H6PD: variants seen among roughly 807,000 people sequenced by gnomAD.
The protein encoded by H6PD is GDH/6PGL endoplasmic bifunctional protein.
A neutral mutation model predicts 61.2 loss-of-function variants in H6PD; 48 were observed. The observed-to-expected ratio is 0.78, with a 90% CI of 0.62 to 1.00. The LOEUF (loss-of-function observed/expected upper bound fraction) is 1.00, where lower values mean the gene tolerates loss of function less well. Ranked by LOEUF, H6PD falls within the 50% of genes least tolerant of loss-of-function variation. The pLI is 0.00. For missense variants in H6PD, 1,093 were observed against 1,065.0 expected (o/e 1.03, Z -0.37); for synonymous variants, 480 against 457.9 (o/e 1.05, Z -0.62).
chr1:9,257,320 G>A (rs745820219), intron 3 of H6PD, among the ~76,000 whole-genome samples: 49 of 151,706 alleles, frequency 3.2e-4, no homozygotes, highest in Non-Finnish European at 5.6e-4. Context: ...TGTAGAAACA[G>A]GGTCTCACTT....
chr1:9,263,546 C>T lies in H6PD; in HGVS notation c.1053C>T (p.Gly351=), dbSNP rs34448374. 873 of 1,614,134 alleles carry T rather than the reference C, an allele frequency of 5.4e-4. 6 individuals carry two copies. In the African/African-American group the frequency reaches 0.01, roughly 19 times the overall value. The change falls in exon 5 of 5, where the codon GGC becomes GGT. Residue 351 remains glycine, a synonymous_variant. Coordinates refer to ENST00000377403, the MANE Select transcript of H6PD (RefSeq NM_004285.4). ...LVHIDNLRWE[G]VPFILMSGKA... ...ACATTGACAACCTTCGCTGGGAGGGCGTGCCTTTCATCCTGATGTCTGGCA... is the reference window on the plus strand; with the variant it reads ...ACATTGACAACCTTCGCTGGGAGGGTGTGCCTTTCATCCTGATGTCTGGCA...
rs114731668 is a variant in H6PD at position 9,265,929 on chromosome 1, C to T, written c.*1060C>T. 1 of 152,308 alleles carries T rather than the reference C, an allele frequency of 6.6e-6. No individual in the cohort carries two copies. Among genetic ancestry groups the T allele is most frequent in the Non-Finnish European group, 1.5e-5 (1 of 68,092 alleles). The allele number at this position is 152,308 out of a possible 1,614,324, so 9.4% of individuals were successfully genotyped here. On this transcript the variant is annotated 3_prime_UTR_variant, in exon 5 of 5. Transcript: ENST00000377403. ...GCTGCTCCTCTGTCCTGCTAGCCTT[C>T]CTCCAGGAAGCACACTGGGTGCAGA...
At chr1:9,257,024 C>G (rs1248131268) in intron 3 of H6PD, among the ~76,000 whole-genome samples, 1 of 152,194 alleles carries the variant, frequency 6.6e-6, no homozygotes, top group South Asian at 2.1e-4. Flanking sequence ...CTAGCTGACT[C>G]TTTACAGCTG....
rs1638548956 is a variant in H6PD at position 9,266,046 on chromosome 1, CTT to C, written c.*1178_*1179del. 2 of 152,304 alleles carry C rather than the reference CTT, an allele frequency of 1.3e-5. No homozygotes were observed. The highest frequency in any genetic ancestry group is 1.5e-5 in the Non-Finnish European group (1 of 68,068). The allele number at this position is 152,304 out of a possible 1,614,324, so 9.4% of individuals were successfully genotyped here. The stretch of plus-strand genomic sequence containing the variant: ...GGTGTTTCCGCTCTCAATAGCCCCT[CTT>C]GTTTTACCAGGAAAGATCCAGTTAA... On this transcript the variant is annotated 3_prime_UTR_variant, in exon 5 of 5. Transcript: ENST00000377403.
Position 9,254,124 on chromosome 1 carries a change from G to C in H6PD, c.745+7041G>C, listed in dbSNP as rs1641447172. 6.6e-6 allele frequency among the ~76,000 whole-genome samples: 1 copy of C among 152,210 alleles called. No individual in the cohort carries two copies. The highest frequency in any genetic ancestry group is 6.5e-5 in the Admixed American group (1 of 15,286). On this transcript the variant is annotated intron_variant, in intron 3 of 4. Coordinates refer to ENST00000377403, the MANE Select transcript of H6PD (RefSeq NM_004285.4). This position sits in a 1 kb window ranked among gnomAD's most constrained non-coding sequence, Gnocchi z 4.6. ...TAATCCCAGCACTTTGGGAGGCCGA[G>C]ACGGGTGGATCACTTGAGGTCAGGC...
At chr1:9,236,705 G>C (rs1017078750) in intron 1 of H6PD, among the ~76,000 whole-genome samples, 4 of 150,482 alleles carry the variant, frequency 2.7e-5, no homozygotes, top group Admixed American at 1.3e-4. Context: ...AGGATTTCTT[G>C]GGTGCTTACT....
At chr1:9,246,884 G>A in intron 2 of H6PD, 82 bp from the exon 3 acceptor site, 3 of 944,096 alleles carry the variant, frequency 3.2e-6, no homozygotes, top group South Asian at 2.6e-5. Flanking sequence ...GAATAGAAAG[G>A]TCAGAGCCCT....
At position 9,245,350 on chromosome 1, in the gene H6PD, T is replaced by A; in HGVS notation, c.416T>A (p.Ile139Asn). The change falls in exon 2 of 5, where the codon ATC becomes AAC. Residue 139 changes from isoleucine (I) to asparagine (N), a missense_variant. By Grantham distance (149) the Ile-to-Asn change is moderately radical. Coordinates refer to ENST00000377403, the MANE Select transcript of H6PD (RefSeq NM_004285.4). This position sits in a 1 kb window ranked among gnomAD's most constrained non-coding sequence, Gnocchi z 4.8. ...QHAGLREAGR[I>N]FYFSVPPFAY... is the part of the protein sequence containing the mutation. ...GCAGGCCTCCGGGAGGCTGGCAGGA[T>A]CTTCTACTTCTCAGTGCCACCCTTC... The A allele has an allele frequency of 1.2e-6, 2 of 1,614,050 alleles. No homozygotes were observed. Among genetic ancestry groups the A allele is most frequent in the Non-Finnish European group, 8.5e-7 (1 of 1,179,962 alleles).
rs112274890 is a variant in H6PD at position 9,264,272 on chromosome 1, G to A, written c.1779G>A (p.Ser593=). 439 of 1,609,704 alleles carry A rather than the reference G, an allele frequency of 2.7e-4. No individual in the cohort carries two copies. The highest frequency in any genetic ancestry group is 5.0e-4 in the Middle Eastern group (3 of 6,060). Residue 593 remains serine, a synonymous_variant, in exon 5 of 5, where the codon TCG becomes TCA. Transcript: ENST00000377403. The part of the protein sequence containing the change: ...GQFHLALSGG[S]SPVALFQQLA... ...TCCACCTGGCACTGTCGGGGGGCTC[G>A]AGCCCCGTGGCCCTGTTCCAGCAGC...
chr1:9,244,715 C>T (rs796461087), intron 1 of H6PD, among the ~76,000 whole-genome samples: 7 of 152,332 alleles, frequency 4.6e-5, no homozygotes, highest in African/African-American at 1.7e-4. Flanking sequence ...AGGCAGAGTC[C>T]CTGTCTACAG....
intron 3 of H6PD, 143 bp from the exon 4 acceptor site, chr1:9,261,916 G>C: frequency 1.2e-6 from 1 of 833,338 alleles, no homozygotes; most frequent in East Asian, 2.6e-5. Context: ...TGGCTTTGGT[G>C]TGCACCATTT....
rs547412240 is a variant in H6PD, at chr1:9,239,697, T to G, written c.-11+4631T>G. The G allele has an allele frequency of 7.1e-5, 24 of 338,630 alleles. No individual in the cohort carries two copies. In the East Asian group the frequency reaches 9.8e-4, roughly 14 times the overall value. The allele number at this position is 338,630 out of a possible 1,614,324, so 21.0% of individuals were successfully genotyped here. A position where few individuals can be genotyped will look rare whatever the true frequency, so the allele number is the denominator to read the frequency against. Reference sequence around the variant, plus strand: ...GGTCATGATTTGAAGAAAATTTCCCTTCCTCCTGCCTGGCGCACAGAAGGT... The same window carrying G: ...GGTCATGATTTGAAGAAAATTTCCCGTCCTCCTGCCTGGCGCACAGAAGGT... On this transcript the variant is annotated intron_variant, in intron 1 of 4. Transcript: ENST00000377403.
At chr1:9,238,005 T>C (rs946327804) in intron 1 of H6PD, among the ~76,000 whole-genome samples, 6 of 152,146 alleles carry the variant, frequency 3.9e-5, no homozygotes, top group South Asian at 2.1e-4. Context: ...TGAATGTAAT[T>C]ATCATACAGT....
chr1:9,261,062 A>T (rs77678457), intron 3 of H6PD, among the ~76,000 whole-genome samples: 4,797 of 151,916 alleles, frequency 0.032, 216 homozygotes, highest in African/African-American at 0.11. Flanking sequence ...TGTACTGCCC[A>T]TTAGTCCAGG....
In H6PD at chr1:9,254,313, C is replaced by T. The variant is rs1403194596; in HGVS notation, c.745+7230C>T. Among the ~76,000 whole-genome samples, 3 of 152,106 alleles carry T rather than the reference C, an allele frequency of 2.0e-5. No homozygotes were observed. Among genetic ancestry groups the T allele is most frequent in the African/African-American group, 7.2e-5 (3 of 41,392 alleles). On this transcript the variant is annotated intron_variant, in intron 3 of 4. Coordinates refer to ENST00000377403, the MANE Select transcript of H6PD (RefSeq NM_004285.4). This position sits in a 1 kb window ranked among gnomAD's most constrained non-coding sequence, Gnocchi z 4.6. ...AAGGTTACAGTGAGCCAAGATCGCGCCACTGCACTGCAGCCTGGGTAATGG... is the reference window on the plus strand; with the variant it reads ...AAGGTTACAGTGAGCCAAGATCGCGTCACTGCACTGCAGCCTGGGTAATGG...
rs1165936311 is a variant in H6PD, at chr1:9,268,793, T to G, written c.*3924T>G. ...AAATATGCAGGGCTCAGGCTCCCAA[T>G]TCCGGGCCTGTCTGCTTTGCTTGTG... is the stretch of plus-strand genomic sequence containing the variant. On this transcript the variant is annotated 3_prime_UTR_variant, in exon 5 of 5. Coordinates refer to ENST00000377403, the MANE Select transcript of H6PD (RefSeq NM_004285.4). 6.6e-6 allele frequency: 1 copy of G among 152,178 alleles called. No homozygotes were observed. The highest frequency in any genetic ancestry group is 1.5e-5 in the Non-Finnish European group (1 of 68,030). The allele number at this position is 152,178 out of a possible 1,614,324, so 9.4% of individuals were successfully genotyped here.
intron 1 of H6PD, among the ~76,000 whole-genome samples, chr1:9,244,611 C>T (rs946413508): frequency 1.3e-5 from 2 of 152,220 alleles, no homozygotes; most frequent in Non-Finnish European, 2.9e-5. Flanking sequence ...AGCTCCACTC[C>T]CAGGCCTGCG....
rs921493890 is a variant in H6PD, at chr1:9,250,216, A to G, written c.745+3133A>G. The stretch of plus-strand genomic sequence containing the variant: ...GTGAGGGCGGGAAACAGGCAGGAGT[A>G]AATGCTGCCTCCTACTGGAGCTTGG... On this transcript the variant is annotated intron_variant, in intron 3 of 4. Transcript: ENST00000377403. Among the ~76,000 whole-genome samples the G allele has an allele frequency of 2.0e-5, 3 of 152,304 alleles. No homozygotes were observed. In the East Asian group the frequency reaches 5.8e-4, roughly 29 times the overall value.
chr1:9,260,892 G>A (rs1057488900), intron 3 of H6PD, among the ~76,000 whole-genome samples: 8 of 152,006 alleles, frequency 5.3e-5, no homozygotes, highest in East Asian at 3.9e-4. Context: ...CTCTGCTTCC[G>A]CCTCCCCGTG....
Sources: allele counts gnomAD v4.1 joint callset (sites outside exome capture counted in the v4.1 genomes callset), GRCh38; gene constraint gnomAD v4.1.1; non-coding constraint Gnocchi (gnomAD v3.1); transcripts MANE v1.5; gene names NCBI Gene and HGNC (gene_info 2026-07-23, HGNC 2026-07-21).